The following CEACAM1 variants were observed in gnomAD, a reference collection of about 807,000 sequenced individuals.
CEACAM1 encodes the protein cell adhesion molecule CEACAM1.
A neutral mutation model predicts 49.1 loss-of-function variants in CEACAM1; 31 were observed. The ratio of observed to expected loss-of-function variants is 0.63; its 90% CI spans 0.47 to 0.85. The LOEUF (loss-of-function observed/expected upper bound fraction) is 0.85, where lower values mean the gene tolerates loss of function less well. Among genes scored for constraint, CEACAM1 ranks in the 40% least tolerant of loss-of-function variants. The pLI, the probability that CEACAM1 is intolerant of heterozygous loss-of-function variation, is 0.00. For synonymous variants in CEACAM1, 244 were observed against 247.8 expected (o/e 0.98, Z 0.14); for missense variants, 570 against 645.3 (o/e 0.88, Z 1.26).
At chr19:42,514,211 A>C (rs1858727469) in intron 5 of CEACAM1, among the ~76,000 whole-genome samples, 1 of 148,536 alleles carries the variant, frequency 6.7e-6, no homozygotes, top group East Asian at 2.0e-4. Flanking sequence ...GGCTCACTGC[A>C]ACCTCTGCCT....
chr19:42,522,326 G>C, intron 2 of CEACAM1, 124 bp from the exon 3 acceptor site: 2 of 1,486,294 alleles, frequency 1.3e-6, no homozygotes, highest in African/African-American at 2.8e-5. Flanking sequence ...CCAGGCTGGA[G>C]TGCAATGGCA....
chr19:42,513,920 T>A lies in CEACAM1; in HGVS notation c.1247-1441A>T, dbSNP rs1214707854. Among the ~76,000 whole-genome samples the A allele has an allele frequency of 6.4e-5, 8 of 124,080 alleles. No individual in the cohort carries two copies. In the South Asian group the frequency reaches 1.0e-3, roughly 16 times the overall value. The allele number at this position is 124,080 out of a possible 152,430, so 81.4% of individuals were successfully genotyped here. ...TATATATATATATATATATATATAA[T>A]ATATAAATAATACCTTTTGCATCTA... On this transcript the variant is annotated intron_variant, in intron 5 of 8. Coordinates refer to ENST00000161559, the MANE Select transcript of CEACAM1 (RefSeq NM_001712.5).
intron 5 of CEACAM1, chr19:42,518,735 C>T (rs941597316): frequency 2.8e-5 from 16 of 579,634 alleles, no homozygotes; most frequent in Admixed American, 2.2e-4. Context: ...CTCCTGCCCT[C>T]GTGATCCGCC....
chr19:42,527,194 G>A lies in CEACAM1; in HGVS notation c.271C>T (p.Pro91Ser). The stretch of plus-strand genomic sequence containing the variant: ...TCTCGACCGCTGTTTGCGGGCCCTG[G>A]GGTAGCTTGTTGAGTTCCTATTGCA... ...GYAIGTQQATPGPANSGRETI... is the reference protein window; with the variant it reads ...GYAIGTQQATSGPANSGRETI... Residue 91 changes from proline (P) to serine (S), a missense_variant, in exon 2 of 9, where the codon CCA becomes TCA. By Grantham distance (74) the Pro-to-Ser change is moderately conservative (BLOSUM62 -1). Coordinates refer to ENST00000161559, the MANE Select transcript of CEACAM1 (RefSeq NM_001712.5). The A allele has an allele frequency of 6.2e-7, 1 of 1,614,136 alleles. No homozygotes were observed. The highest frequency in any genetic ancestry group is 8.5e-7 in the Non-Finnish European group (1 of 1,180,006).
intron 5 of CEACAM1, among the ~76,000 whole-genome samples, chr19:42,514,134 CTTT>C (rs113780562): frequency 1.5e-5 from 2 of 132,600 alleles, no homozygotes; most frequent in Non-Finnish European, 3.2e-5. Flanking sequence ...TTTTTTCTTT[CTTT>C]TTTTTTTTTT....
At chr19:42,528,283 G>T in intron 1 of CEACAM1, 28 bp downstream of exon 1, 2 of 1,603,168 alleles carry the variant, frequency 1.2e-6, no homozygotes, top group East Asian at 2.2e-5. Flanking sequence ...CCCTCTTTCC[G>T]CCCCTTCCCA....
chr19:42,521,117 C>T (rs2041734144), intron 4 of CEACAM1, 150 bp downstream of exon 4: 1 of 825,738 alleles, frequency 1.2e-6, no homozygotes, highest in South Asian at 1.6e-5. Context: ...AGAGTCTGCA[C>T]AGATGAATTG....
In CEACAM1 at chr19:42,521,931, A is replaced by G. The variant is rs1215245600; in HGVS notation, c.696T>C (p.Asn232=). ...GGAACAGAAGATACTCACAGGTGAC[A>G]TTCAAGGTGACTGGGTCACTGCGGT... ...SANRSDPVTL[N]VTYGPDTPTI... The change falls in exon 3 of 9, where the codon AAT becomes AAC. Residue 232 remains asparagine (N), a synonymous_variant. Transcript: ENST00000161559. 1 of 1,614,136 alleles carries G rather than the reference A, an allele frequency of 6.2e-7. No individual in the cohort carries two copies. Among genetic ancestry groups the G allele is most frequent in the African/African-American group, 1.3e-5 (1 of 74,944 alleles).
rs192504419 is a variant in CEACAM1, at chr19:42,518,747, G to A, written c.1246+201C>T. On this transcript the variant is annotated intron_variant, in intron 5 of 8. Transcript: ENST00000161559. Reference sequence around the variant, plus strand: ...GATCTCCTGCCCTCGTGATCCGCCCGCCTTGGCCTCCCAAACTGCTGGGAT... The same window carrying A: ...GATCTCCTGCCCTCGTGATCCGCCCACCTTGGCCTCCCAAACTGCTGGGAT... 3.4e-3 allele frequency: 2,099 copies of A among 614,734 alleles called. 60 individuals carry two copies. In the East Asian group the frequency reaches 0.053, roughly 15 times the overall value. 38.1% of individuals were successfully genotyped at this position (614,734 alleles called of 1,614,324 possible).
intron 3 of CEACAM1, among the ~76,000 whole-genome samples, 159 bp downstream of exon 3, chr19:42,521,765 G>C (rs915337631): frequency 2.6e-5 from 4 of 152,224 alleles, no homozygotes; most frequent in African/African-American, 9.6e-5. Flanking sequence ...TCAGGCTGGG[G>C]CTGCCCAGGT....
rs762747077 is a variant in CEACAM1 at position 42,522,158 on chromosome 19, C to T, written c.469G>A (p.Val157Met). 5.6e-6 allele frequency: 9 copies of T among 1,614,122 alleles called. No individual in the cohort carries two copies. The Admixed American group carries it at 1.2e-4, about 21-fold the overall frequency. The change falls in exon 3 of 9, where the codon GTG becomes ATG. Residue 157 changes from valine to methionine, a missense_variant. Transcript: ENST00000161559. The stretch of plus-strand genomic sequence containing the variant: ...AAGGCCACAGCATCCTTGTCCTCCA[C>T]AGGGTTGGAGTTGTTGCTGGAGATG... ...PSISSNNSNP[V>M]EDKDAVAFTC...
chr19:42,517,938 A>G (rs1468762712), intron 5 of CEACAM1, among the ~76,000 whole-genome samples: 1 of 152,242 alleles, frequency 6.6e-6, no homozygotes, highest in Non-Finnish European at 1.5e-5. Flanking sequence ...AACTGTCCAT[A>G]GATGGATGAG....
At chr19:42,520,497 T>C (rs1215646419) in intron 4 of CEACAM1, 2 of 152,336 alleles carry the variant, frequency 1.3e-5, no homozygotes, top group Admixed American at 6.5e-5. Context: ...CCTAGTGGCA[T>C]GCCTAGTGGC....
At chr19:42,511,263 G>A in intron 7 of CEACAM1, 1 of 570,862 alleles carries the variant, frequency 1.8e-6, no homozygotes, top group Non-Finnish European at 3.1e-6. Context: ...CTCACCAAGG[G>A]AGAGTGCCCA....
At chr19:42,527,675 C>T (rs1045210468) in intron 1 of CEACAM1, 5 of 390,882 alleles carry the variant, frequency 1.3e-5, no homozygotes, top group African/African-American at 1.0e-4. Flanking sequence ...ATCTTGATCA[C>T]ATCAGGGTGC....
chr19:42,510,856 GA>G, intron 8 of CEACAM1, 32 bp downstream of exon 8: 1 of 1,588,286 alleles, frequency 6.3e-7, no homozygotes, highest in Non-Finnish European at 8.6e-7. Context: ...ATTTCCATGA[GA>G]AAATAAGCCC....
intron 7 of CEACAM1, chr19:42,511,279 G>A (rs570094124): frequency 1.1e-4 from 60 of 570,250 alleles, no homozygotes; most frequent in Middle Eastern, 9.3e-4. Context: ...GCCCACATCC[G>A]TAATAGAGGC....
At chr19:42,512,072 T>C (rs557035599) in intron 6 of CEACAM1, among the ~76,000 whole-genome samples, 1 of 152,322 alleles carries the variant, frequency 6.6e-6, no homozygotes, top group East Asian at 1.9e-4. Flanking sequence ...GTTTTCCTTC[T>C]TAGACCTTGC....
intron 1 of CEACAM1, among the ~76,000 whole-genome samples, chr19:42,527,977 T>C (rs2041938132): frequency 1.3e-5 from 2 of 152,198 alleles, no homozygotes; most frequent in Non-Finnish European, 2.9e-5. Flanking sequence ...ATATCTGAGG[T>C]TGGTGGCTCA....
Sources: allele counts gnomAD v4.1 joint callset (sites outside exome capture counted in the v4.1 genomes callset), GRCh38; gene constraint gnomAD v4.1.1; transcripts MANE v1.5; gene names NCBI Gene and HGNC (gene_info 2026-07-23, HGNC 2026-07-21).